The following AKAP6 variants were observed in gnomAD, a reference collection of about 807,000 sequenced individuals.
AKAP6 encodes the protein A-kinase anchor protein 6.
AKAP6 carries 58 observed loss-of-function variants against 188.5 expected under a neutral mutation model. The ratio of observed to expected loss-of-function variants is 0.31; its 90% CI spans 0.25 to 0.38. The LOEUF is 0.38. AKAP6 is among the 10% of genes least tolerant of loss of function. AKAP6 has a pLI of 1.00. For synonymous variants in AKAP6, 989 were observed against 998.6 expected, an observed-to-expected ratio of 0.99 and a Z score of 0.18; for missense variants, 2,710 against 2,740.0, an observed-to-expected ratio of 0.99 and a Z score of 0.24.
At chr14:32,749,879 A>T (rs2032059625) in intron 11 of AKAP6, among the ~76,000 whole-genome samples, 1 of 152,212 alleles carries the variant, frequency 6.6e-6, no homozygotes, top group Admixed American at 6.5e-5. Flanking sequence ...AGTCCTTCAC[A>T]ATATATGTAG....
intron 5 of AKAP6, among the ~76,000 whole-genome samples, chr14:32,593,011 AACACACACAC>A (rs60277036): frequency 0.014 from 1,721 of 123,864 alleles, 30 homozygotes; most frequent in African/African-American, 0.029. Context: ...CCCCCACCCC[AACACACACAC>A]ACACACACAC....
chr14:32,781,291 T>C (rs1295803094), intron 12 of AKAP6, among the ~76,000 whole-genome samples: 1 of 150,066 alleles, frequency 6.7e-6, no homozygotes, highest in East Asian at 2.0e-4. Context: ...AAGAAGACTG[T>C]CAGCCAAGAT....
intron 1 of AKAP6, among the ~76,000 whole-genome samples, chr14:32,355,152 A>G (rs1390303147): frequency 1.3e-5 from 2 of 152,140 alleles, no homozygotes; most frequent in Non-Finnish European, 2.9e-5. Context: ...CGTACCTTAG[A>G]TGGCTGTGTT....
intron 12 of AKAP6, among the ~76,000 whole-genome samples, chr14:32,801,404 G>A (rs1019776617): frequency 3.9e-5 from 6 of 152,020 alleles, no homozygotes; most frequent in African/African-American, 1.4e-4. Flanking sequence ...TGTATAGTGC[G>A]GTTAACTTAT....
Position 32,546,707 on chromosome 14 carries a change from A to T in AKAP6, c.2054A>T (p.His685Leu). 6.2e-7 allele frequency: 1 copy of T among 1,614,144 alleles called. No homozygotes were observed. Among genetic ancestry groups the T allele is most frequent in the Non-Finnish European group, 8.5e-7 (1 of 1,180,018 alleles). ...NSDSEIYPTYHVKKKHTRLGR... is the reference protein window; with the variant it reads ...NSDSEIYPTYLVKKKHTRLGR... ...GATTCTGAAATCTATCCAACCTATC[A>T]TGTCAAAAAGAAGCATACAAGGCTA... Residue 685 changes from histidine to leucine, a missense_variant, in exon 4 of 14, where the codon CAT becomes CTT. His to Leu is a moderately conservative substitution (Grantham distance 99). Coordinates refer to ENST00000280979, the MANE Select transcript of AKAP6 (RefSeq NM_004274.5).
At chr14:32,537,552 A>G (rs1882740253) in intron 3 of AKAP6, among the ~76,000 whole-genome samples, 1 of 152,152 alleles carries the variant, frequency 6.6e-6, no homozygotes, top group African/African-American at 2.4e-5. Context: ...AAGTCTATAT[A>G]TTCTTTTCTT....
chr14:32,698,409 T>C (rs1890492117), intron 9 of AKAP6, among the ~76,000 whole-genome samples: 1 of 152,172 alleles, frequency 6.6e-6, no homozygotes. Flanking sequence ...GCCCAGGCCT[T>C]GCCAGGTTTT....
At chr14:32,738,204 A>G (rs1403135890) in intron 11 of AKAP6, among the ~76,000 whole-genome samples, 1 of 152,146 alleles carries the variant, frequency 6.6e-6, no homozygotes, top group Non-Finnish European at 1.5e-5. Flanking sequence ...CTTCAATGCC[A>G]TTGGCTGGAA....
At position 32,823,845 on chromosome 14, in the gene AKAP6, T is replaced by C; in HGVS notation, c.6032T>C (p.Met2011Thr). 1 of 1,613,684 alleles carries C rather than the reference T, an allele frequency of 6.2e-7. No individual in the cohort carries two copies. The highest frequency in any genetic ancestry group is 8.5e-7 in the Non-Finnish European group (1 of 1,179,912). Residue 2011 changes from methionine (M) to threonine (T), a missense_variant, in exon 13 of 14, where the codon ATG (methionine) becomes ACG (threonine). By Grantham distance (81) the Met-to-Thr change is moderately conservative. Coordinates refer to ENST00000280979, the MANE Select transcript of AKAP6 (RefSeq NM_004274.5). ...ALKSSDDAPS[M>T]AGKSAGCCLA... ...AAATCATCTGATGATGCACCGAGTA[T>C]GGCTGGAAAATCTGCTGGTTGTTGC...
chr14:32,690,394 T>C (rs1176483753), intron 8 of AKAP6, among the ~76,000 whole-genome samples: 1 of 152,162 alleles, frequency 6.6e-6, no homozygotes, highest in Admixed American at 6.6e-5. Context: ...CATTTATGTA[T>C]TCAAACACTT....
At chr14:32,547,843 C>CAA (rs11342356) in intron 4 of AKAP6, among the ~76,000 whole-genome samples, 85 of 136,082 alleles carry the variant, frequency 6.2e-4, no homozygotes, top group Middle Eastern at 3.8e-3. Flanking sequence ...GACCCTGTCT[C>CAA]AAAAAAAAAA....
intron 12 of AKAP6, 68 bp from the exon 13 acceptor site, chr14:32,821,334 C>G (rs934198498): frequency 6.7e-7 from 1 of 1,496,840 alleles, no homozygotes; most frequent in Non-Finnish European, 8.9e-7. Context: ...GAGAGATTTT[C>G]AATGGATAAA....
At chr14:32,454,493 A>G (rs1303365884) in intron 2 of AKAP6, among the ~76,000 whole-genome samples, 1 of 152,206 alleles carries the variant, frequency 6.6e-6, no homozygotes, top group African/African-American at 2.4e-5. Context: ...CTTTACATGC[A>G]AAGCAGTAGT....
At chr14:32,784,466 A>G (rs1437947912) in intron 12 of AKAP6, among the ~76,000 whole-genome samples, 1 of 152,148 alleles carries the variant, frequency 6.6e-6, no homozygotes, top group Non-Finnish European at 1.5e-5. Flanking sequence ...TGCTAACACA[A>G]GAGGGTGTTA....
chr14:32,462,072 G>A (rs775062023), intron 2 of AKAP6, among the ~76,000 whole-genome samples: 7 of 152,012 alleles, frequency 4.6e-5, no homozygotes, highest in Non-Finnish European at 8.8e-5. Context: ...AAGAAATATG[G>A]GACTATGTGA....
intron 2 of AKAP6, among the ~76,000 whole-genome samples, chr14:32,493,256 G>T (rs1594674376): frequency 6.6e-6 from 1 of 152,086 alleles, no homozygotes; most frequent in Non-Finnish European, 1.5e-5. Flanking sequence ...ACCCAGGCTG[G>T]AGTATACTGG....
At chr14:32,501,605 C>G (rs1566541868) in intron 2 of AKAP6, among the ~76,000 whole-genome samples, 1 of 152,064 alleles carries the variant, frequency 6.6e-6, no homozygotes, top group East Asian at 1.9e-4. Flanking sequence ...TTGGCGAGTA[C>G]AGAGTAGAGT....
At chr14:32,725,835 C>T (rs780452610) in intron 9 of AKAP6, among the ~76,000 whole-genome samples, 12 of 152,056 alleles carry the variant, frequency 7.9e-5, no homozygotes, top group Non-Finnish European at 1.2e-4. Flanking sequence ...TGCTCTTATC[C>T]GTATTTTAGC....
At chr14:32,385,622 A>G (rs1358443957) in intron 1 of AKAP6, among the ~76,000 whole-genome samples, 1 of 151,138 alleles carries the variant, frequency 6.6e-6, no homozygotes, top group Non-Finnish European at 1.5e-5. Flanking sequence ...TTGCATCGTC[A>G]TAGCTTTGCA....
Sources: gnomAD v4.1 joint callset for allele counts (sites outside exome capture counted in the v4.1 genomes callset) on GRCh38, gnomAD v4.1.1 for gene constraint, MANE v1.5 for transcripts, NCBI Gene and HGNC (gene_info 2026-07-23, HGNC 2026-07-21) for gene names.